CAST: variants seen among roughly 807,000 people sequenced by gnomAD.
The protein encoded by CAST is MIR583 host.
CAST carries 76 observed loss-of-function variants against 119.6 expected under a neutral mutation model. The observed-to-expected ratio is 0.64, with a 90% CI of 0.53 to 0.77. The LOEUF (loss-of-function observed/expected upper bound fraction) is 0.77, where lower values mean the gene tolerates loss of function less well. Ranked by LOEUF, CAST falls within the 30% of genes least tolerant of loss-of-function variation. The pLI, the probability that CAST is intolerant of heterozygous loss-of-function variation, is 0.00. For missense variants in CAST, 953 were observed against 946.5 expected, an observed-to-expected ratio of 1.01 and a Z score of -0.09; for synonymous variants, 319 against 331.6, an observed-to-expected ratio of 0.96 and a Z score of 0.41.
rs572602938 is a variant in CAST at position 96,741,087 on chromosome 5, T to C, written c.919-179T>C. On this transcript the variant is annotated intron_variant, in intron 13 of 31. Transcript: ENST00000675179. ...TTTGAAAGGGGGAAGTGGAAAATAA[T>C]ACTCAATGAGTAGCCACTCTCTTCA... 2.5e-5 allele frequency: 15 copies of C among 599,562 alleles called. 1 individual carries two copies. In the South Asian group the frequency reaches 2.7e-4, roughly 11 times the overall value. 37.1% of individuals were successfully genotyped at this position (599,562 alleles called of 1,614,324 possible). A position where few individuals can be genotyped will look rare whatever the true frequency, so the allele number is the denominator to read the frequency against.
chr5:96,110,096 T>A, the CAST span, among the ~76,000 whole-genome samples: 1 of 152,134 alleles, frequency 6.6e-6, no homozygotes, highest in Non-Finnish European at 1.5e-5. Context: ...CATCTCCAGT[T>A]CCCAAAAACT....
At chr5:96,662,541 T>C in intron 1 of CAST, 44 bp downstream of exon 1, 5 of 1,335,694 alleles carry the variant, frequency 3.7e-6, no homozygotes, top group South Asian at 2.0e-5. Flanking sequence ...GGCGATGGGG[T>C]ACCGGGTCCC....
intron 3 of CAST, among the ~76,000 whole-genome samples, chr5:96,708,143 A>G (rs1222617057): frequency 6.6e-6 from 1 of 152,238 alleles, no homozygotes; most frequent in East Asian, 1.9e-4. Context: ...CATGCTAACA[A>G]TATGTTTAAA....
At chr5:96,665,133 C>T (rs1480300621) in intron 1 of CAST, among the ~76,000 whole-genome samples, 1 of 152,176 alleles carries the variant, frequency 6.6e-6, no homozygotes, top group Non-Finnish European at 1.5e-5. Context: ...GTAGGAACTT[C>T]CTAGAACCAG....
the CAST span, among the ~76,000 whole-genome samples, chr5:96,141,917 C>T: frequency 6.6e-6 from 1 of 152,176 alleles, no homozygotes; most frequent in African/African-American, 2.4e-5. Context: ...GGCCAGCTTA[C>T]AAGTTTTTTC....
chr5:96,019,013 T>C, the CAST span, among the ~76,000 whole-genome samples: 105 of 152,302 alleles, frequency 6.9e-4, no homozygotes, highest in African/African-American at 2.3e-3. Flanking sequence ...AACAAGCTCA[T>C]TCAAATTCAG....
At chr5:96,492,793 C>T in the CAST span, among the ~76,000 whole-genome samples, 10 of 152,156 alleles carry the variant, frequency 6.6e-5, no homozygotes, top group Non-Finnish European at 1.0e-4. Context: ...GAGGAGACAT[C>T]TATGTCTGGC....
chr5:96,529,317 G>T (rs374964538), upstream of CAST, among the ~76,000 whole-genome samples: 17 of 151,798 alleles, frequency 1.1e-4, no homozygotes, highest in African/African-American at 4.1e-4. Context: ...CCAGTTAAAA[G>T]GTACTCATAT....
the CAST span, among the ~76,000 whole-genome samples, chr5:95,990,621 A>G: frequency 6.6e-6 from 1 of 152,238 alleles, no homozygotes; most frequent in Non-Finnish European, 1.5e-5. Flanking sequence ...AGCATATTAT[A>G]TATGCTTAAC....
At chr5:96,368,135 T>TCCTTC in the CAST span, among the ~76,000 whole-genome samples, 4 of 152,128 alleles carry the variant, frequency 2.6e-5, no homozygotes, top group South Asian at 2.1e-4. Flanking sequence ...CCCTTTCCTT[T>TCCTTC]CCTTCCCTTC....
chr5:96,662,322 T>TTG, upstream of CAST: 1 of 567,042 alleles, frequency 1.8e-6, no homozygotes, highest in Non-Finnish European at 2.5e-6. Flanking sequence ...GGCCCTCCGC[T>TTG]CCCTCCCTCC....
chr5:96,705,027 A>T (rs1406545173), intron 3 of CAST, among the ~76,000 whole-genome samples: 1 of 152,204 alleles, frequency 6.6e-6, no homozygotes, highest in Non-Finnish European at 1.5e-5. Context: ...TGAATAAAAC[A>T]TATTAAAAAG....
the CAST span, chr5:95,961,649 C>G: frequency 6.2e-7 from 1 of 1,610,650 alleles, no homozygotes; most frequent in South Asian, 1.1e-5. Context: ...GTGATGTTGT[C>G]CTGCCCCAGC....
At chr5:96,194,172 C>T in the CAST span, among the ~76,000 whole-genome samples, 1 of 152,134 alleles carries the variant, frequency 6.6e-6, no homozygotes, top group East Asian at 1.9e-4. Context: ...GCTCTTTGAA[C>T]CCTGTTCCCT....
chr5:96,674,989 G>T (rs550969961), intron 1 of CAST, among the ~76,000 whole-genome samples: 1 of 152,004 alleles, frequency 6.6e-6, no homozygotes, highest in Non-Finnish European at 1.5e-5. Context: ...ATTTATCCTC[G>T]GTGTCCTAGT....
At chr5:96,545,804 T>A (rs941573518) in intron 1 of CAST, among the ~76,000 whole-genome samples, 4 of 152,228 alleles carry the variant, frequency 2.6e-5, no homozygotes, top group Non-Finnish European at 4.4e-5. Flanking sequence ...CCATTTTTCT[T>A]CACTTGATTG....
At chr5:96,102,585 G>A in the CAST span, among the ~76,000 whole-genome samples, 1 of 152,182 alleles carries the variant, frequency 6.6e-6, no homozygotes, top group Non-Finnish European at 1.5e-5. Flanking sequence ...CGAAGGTGGA[G>A]TTTTGCCAGG....
chr5:95,995,739 G>C, the CAST span, among the ~76,000 whole-genome samples: 1 of 152,032 alleles, frequency 6.6e-6, no homozygotes, highest in African/African-American at 2.4e-5. Context: ...TTTGGAAATA[G>C]TTATATTAAA....
chr5:96,272,001 T>C, the CAST span, among the ~76,000 whole-genome samples: 1 of 152,190 alleles, frequency 6.6e-6, no homozygotes, highest in Non-Finnish European at 1.5e-5. Context: ...CCATCAGATA[T>C]ATTTTTTAAA....
Sources: allele counts gnomAD v4.1 joint callset (sites outside exome capture counted in the v4.1 genomes callset), GRCh38; gene constraint gnomAD v4.1.1; transcripts MANE v1.5; gene names NCBI Gene and HGNC (gene_info 2026-07-23, HGNC 2026-07-21).